The following ASTN1 variants were observed in gnomAD, a reference collection of about 807,000 sequenced individuals.
ASTN1 encodes astrotactin-1.
ASTN1 carries 41 observed loss-of-function variants against 140.7 expected under a neutral mutation model. That is an observed-to-expected ratio of 0.29 (90% confidence interval 0.23 to 0.38). The LOEUF is 0.38. Among genes scored for constraint, ASTN1 ranks in the 10% least tolerant of loss-of-function variants. ASTN1 has a pLI of 1.00. For synonymous variants in ASTN1, 640 were observed against 652.2 expected (o/e 0.98, Z 0.29); for missense variants, 1,479 against 1,678.8 (o/e 0.88, Z 2.08).
chr1:176,912,688 C>G (rs991543209), intron 16 of ASTN1, among the ~76,000 whole-genome samples: 8 of 152,124 alleles, frequency 5.3e-5, no homozygotes, highest in Non-Finnish European at 1.2e-4. Context: ...AACCACTAAG[C>G]TATACTACCT....
chr1:177,041,215 A>G (rs1676954502), intron 2 of ASTN1, among the ~76,000 whole-genome samples: 1 of 152,174 alleles, frequency 6.6e-6, no homozygotes, highest in African/African-American at 2.4e-5. Context: ...GAATCAGGCT[A>G]CCTGGGGAGA....
At chr1:176,937,090 TCCC>T in intron 14 of ASTN1, among the ~76,000 whole-genome samples, 1 of 152,194 alleles carries the variant, frequency 6.6e-6, no homozygotes, top group Non-Finnish European at 1.5e-5. Flanking sequence ...TGCTATAATA[TCCC>T]CATAGCAAAT....
At chr1:176,925,063 C>T (rs1024211130) in intron 16 of ASTN1, among the ~76,000 whole-genome samples, 1 of 152,208 alleles carries the variant, frequency 6.6e-6, no homozygotes, top group Non-Finnish European at 1.5e-5. Context: ...CCTTCCAGTG[C>T]CTGAGGGCTT....
intron 8 of ASTN1, among the ~76,000 whole-genome samples, chr1:176,981,086 C>A (rs1334374809): frequency 6.6e-6 from 1 of 151,600 alleles, no homozygotes; most frequent in African/African-American, 2.4e-5. Flanking sequence ...GTACCAGGTG[C>A]CTGTAATCCC....
chr1:176,893,755 A>C (rs1669368809), intron 17 of ASTN1, among the ~76,000 whole-genome samples: 1 of 152,050 alleles, frequency 6.6e-6, no homozygotes, highest in South Asian at 2.1e-4. Context: ...GAAGTCCCAC[A>C]CCCGGCGTCT....
rs183602604 is a variant in ASTN1, at chr1:177,080,669, A to T, written c.284-19404T>A. On this transcript the variant is annotated intron_variant, in intron 1 of 22. Transcript: ENST00000361833. ...CAATTTGTTATTGGAGTCACAGAGG[A>T]ATTTCTTTTAGTGAAACTTCTTGAG... 4.6e-5 allele frequency among the ~76,000 whole-genome samples: 7 copies of T among 152,246 alleles called. No homozygotes were observed. In the East Asian group the frequency reaches 1.2e-3, roughly 25 times the overall value.
intron 20 of ASTN1, among the ~76,000 whole-genome samples, chr1:176,882,628 C>T (rs899795145): frequency 1.3e-5 from 2 of 151,772 alleles, no homozygotes; most frequent in Non-Finnish European, 2.9e-5. Flanking sequence ...ATATCTTTCC[C>T]CTCTATGTTG....
At chr1:177,091,264 T>C (rs1159792642) in intron 1 of ASTN1, among the ~76,000 whole-genome samples, 1 of 152,210 alleles carries the variant, frequency 6.6e-6, no homozygotes, top group Non-Finnish European at 1.5e-5. Context: ...TTGCAAACAT[T>C]ACATTAACCT....
chr1:177,124,524 T>C (rs1349463311), intron 1 of ASTN1, among the ~76,000 whole-genome samples: 1 of 152,166 alleles, frequency 6.6e-6, no homozygotes, highest in Non-Finnish European at 1.5e-5. Flanking sequence ...AAACACTGTA[T>C]CATCTTAGAT....
chr1:176,904,415 GA>G (rs1669899495), intron 16 of ASTN1, among the ~76,000 whole-genome samples: 1 of 152,172 alleles, frequency 6.6e-6, no homozygotes, highest in South Asian at 2.1e-4. Flanking sequence ...GGGATGTGGA[GA>G]TCTGTGCTGG....
chr1:176,896,865 T>C (rs939043733), intron 16 of ASTN1, among the ~76,000 whole-genome samples: 3 of 152,160 alleles, frequency 2.0e-5, no homozygotes, highest in Non-Finnish European at 4.4e-5. Context: ...TCTGTGTGTG[T>C]CCATCATTCC....
At position 176,918,853 on chromosome 1, in the gene ASTN1, C is replaced by T. The variant is rs145591203; in HGVS notation, c.2671+15299G>A. 3.2e-3 allele frequency among the ~76,000 whole-genome samples: 483 copies of T among 152,274 alleles called. 3 individuals are homozygous for T. The highest frequency in any genetic ancestry group is 0.011 in the African/African-American group (464 of 41,548). Reference sequence around the variant, plus strand: ...GCCCTGCATGGCCAATCTCAGCCTTCCCAGCCTCCAGCCAGGCCCCTGTTC... The same window carrying T: ...GCCCTGCATGGCCAATCTCAGCCTTTCCAGCCTCCAGCCAGGCCCCTGTTC... On this transcript the variant is annotated intron_variant, in intron 16 of 22. Transcript: ENST00000361833.
At chr1:177,111,337 C>T (rs1007816175) in intron 1 of ASTN1, among the ~76,000 whole-genome samples, 1 of 152,058 alleles carries the variant, frequency 6.6e-6, no homozygotes, top group African/African-American at 2.4e-5. Flanking sequence ...AGAGGCAATA[C>T]CGATGTCACC....
chr1:177,108,472 G>A (rs969836939), intron 1 of ASTN1, among the ~76,000 whole-genome samples: 1 of 151,998 alleles, frequency 6.6e-6, no homozygotes, highest in African/African-American at 2.4e-5. Context: ...TTTGTGACTG[G>A]TTTTTTCCAC....
intron 8 of ASTN1, among the ~76,000 whole-genome samples, chr1:176,996,057 C>A (rs1463751218): frequency 6.6e-6 from 1 of 152,162 alleles, no homozygotes; most frequent in South Asian, 2.1e-4. Context: ...TTAGGTTAGT[C>A]TGGTCCTTGG....
intron 16 of ASTN1, among the ~76,000 whole-genome samples, chr1:176,914,242 T>C (rs1670383237): frequency 6.6e-6 from 1 of 152,184 alleles, no homozygotes; most frequent in Non-Finnish European, 1.5e-5. Flanking sequence ...GGGTAGTCAA[T>C]CAGTCCTAAA....
Position 176,862,751 on chromosome 1 carries a change from A to T in ASTN1, c.*1533T>A. On this transcript the variant is annotated 3_prime_UTR_variant, in exon 23 of 23. Transcript: ENST00000361833. ...ACTTTCCTCAGGAGTTGCTGTGAGA[A>T]TTCAATGATACCTAAAGTGCTTACA... 1.1e-6 allele frequency: 1 copy of T among 951,500 alleles called. No individual in the cohort carries two copies. The allele number at this position is 951,500 out of a possible 1,614,324, so 58.9% of individuals were successfully genotyped here. A position where few individuals can be genotyped will look rare whatever the true frequency, so the allele number is the denominator to read the frequency against.
intron 1 of ASTN1, among the ~76,000 whole-genome samples, chr1:177,099,684 G>A (rs1167797463): frequency 6.6e-6 from 1 of 152,072 alleles, no homozygotes. Flanking sequence ...CACTTTCTTT[G>A]CTAAAAAGAG....
At chr1:176,964,240 T>TC (rs1181798801) in intron 9 of ASTN1, among the ~76,000 whole-genome samples, 4 of 152,144 alleles carry the variant, frequency 2.6e-5, no homozygotes, top group African/African-American at 9.7e-5. Flanking sequence ...ATACAAGTCT[T>TC]CCATTTGTCC....
Sources: gnomAD v4.1 joint callset for allele counts (sites outside exome capture counted in the v4.1 genomes callset) on GRCh38, gnomAD v4.1.1 for gene constraint, MANE v1.5 for transcripts, NCBI Gene and HGNC (gene_info 2026-07-23, HGNC 2026-07-21) for gene names.